KCNQ2: variants seen among roughly 807,000 people sequenced by gnomAD.
The protein encoded by KCNQ2 is potassium voltage-gated channel subfamily KQT member 2.
A neutral mutation model predicts 84.8 loss-of-function variants in KCNQ2; 14 were observed. The ratio of observed to expected loss-of-function variants is 0.17; its 90% CI spans 0.11 to 0.26. The LOEUF is 0.26. Among genes scored for constraint, KCNQ2 ranks in the 10% least tolerant of loss-of-function variants. The pLI is 1.00. For missense variants in KCNQ2, 788 were observed against 1,254.0 expected, an observed-to-expected ratio of 0.63 and a Z score of 5.61; for synonymous variants, 599 against 554.1, an observed-to-expected ratio of 1.08 and a Z score of -1.14.
rs1324000734 is a variant in KCNQ2 at position 63,433,797 on chromosome 20, C to T, written c.1118+12G>A. ...AAACAGTTGCTTGGTGGCAGGTGCC[C>T]GGCGGCGGTACCTGTACATGGGCAC... On this transcript the variant is annotated intron_variant, in intron 8 of 16. Transcript: ENST00000359125. 3 of 1,613,828 alleles carry T rather than the reference C, an allele frequency of 1.9e-6. No homozygotes were observed. Among genetic ancestry groups the T allele is most frequent in the Non-Finnish European group, 2.5e-6 (3 of 1,179,886 alleles).
intron 1 of KCNQ2, among the ~76,000 whole-genome samples, chr20:63,458,192 C>A (rs1025238980): frequency 9.9e-5 from 15 of 152,174 alleles, no homozygotes; most frequent in African/African-American, 3.6e-4. Context: ...CTCCACTGCC[C>A]CATCCCAACC....
intron 1 of KCNQ2, among the ~76,000 whole-genome samples, chr20:63,467,500 G>A (rs564030928): frequency 6.6e-6 from 1 of 152,104 alleles, no homozygotes; most frequent in African/African-American, 2.4e-5. Context: ...ATGGGGCTGA[G>A]GCTAGCCCAG....
chr20:63,404,819 C>T lies in KCNQ2; in HGVS notation c.*1825G>A, dbSNP rs964538477. On this transcript the variant is annotated 3_prime_UTR_variant, in exon 17 of 17. Coordinates refer to ENST00000359125, the MANE Select transcript of KCNQ2 (RefSeq NM_172107.4). ...GAACAGAGCAGACAGGCAGTGGGAG[C>T]CTGGACAGTGGCTTCCGAGGCCTCC... The T allele has an allele frequency of 4.6e-5, 7 of 152,352 alleles. No individual in the cohort carries two copies. Among genetic ancestry groups the T allele is most frequent in the Non-Finnish European group, 5.9e-5 (4 of 68,124 alleles). The allele number at this position is 152,352 out of a possible 1,614,324, so 9.4% of individuals were successfully genotyped here.
intron 1 of KCNQ2, among the ~76,000 whole-genome samples, chr20:63,465,577 G>T (rs189268194): frequency 6.6e-6 from 1 of 152,204 alleles, no homozygotes; most frequent in Non-Finnish European, 1.5e-5. Context: ...GCTGGTGAGC[G>T]TAGGGGTCGC....
chr20:63,415,409 T>C (rs1213515801), intron 12 of KCNQ2, among the ~76,000 whole-genome samples: 14 of 31,778 alleles, frequency 4.4e-4, no homozygotes, highest in East Asian at 7.2e-4. Flanking sequence ...GGGGGGAGGC[T>C]ACCGGGGCCG....
In KCNQ2 at chr20:63,442,534, G is replaced by A. The variant is rs768834593; in HGVS notation, c.691-3C>T. ...ATGTACCAGGCAGTGACCAGCTCCT[G>A]AGAGGCAGACGGCACCACCATCATG... On this transcript the variant is annotated splice_region_variant and splice_polypyrimidine_tract_variant and intron_variant, in intron 4 of 16. Coordinates refer to ENST00000359125, the MANE Select transcript of KCNQ2 (RefSeq NM_172107.4). The A allele has an allele frequency of 1.2e-6, 2 of 1,612,882 alleles. No homozygotes were observed. Among genetic ancestry groups the A allele is most frequent in the South Asian group, 2.2e-5 (2 of 91,026 alleles).
intron 5 of KCNQ2, 99 bp from the exon 6 acceptor site, chr20:63,439,807 T>C (rs1249438941): frequency 1.9e-5 from 17 of 875,664 alleles, no homozygotes; most frequent in Non-Finnish European, 3.0e-5. Flanking sequence ...ATGGGACAGA[T>C]GCGGGGCCAC....
At chr20:63,409,396 G>T (rs899979293) in intron 15 of KCNQ2, among the ~76,000 whole-genome samples, 1 of 152,248 alleles carries the variant, frequency 6.6e-6, no homozygotes, top group Non-Finnish European at 1.5e-5. Context: ...ACAATAAGAA[G>T]GGAGGGAGGC....
rs372146620 is a variant in KCNQ2 at position 63,424,185 on chromosome 20, C to T, written c.1239G>A (p.Pro413=). 2.8e-5 allele frequency: 43 copies of T among 1,556,226 alleles called. No individual in the cohort carries two copies. The highest frequency in any genetic ancestry group is 2.0e-4 in the Admixed American group (10 of 51,152). Residue 413 remains proline, a synonymous_variant, in exon 11 of 17, where the codon CCG becomes CCA. Transcript: ENST00000359125. The stretch of plus-strand genomic sequence containing the variant: ...CAGCAGGGGGCACTGACCTTGGAGA[C>T]GGCTCCGGCGGGGGGTCCTTCCTTC... The part of the protein sequence containing the change: ...LAFRKDPPPE[P]SPSKGSPCRG...
At chr20:63,463,424 G>A (rs995459578) in intron 1 of KCNQ2, among the ~76,000 whole-genome samples, 9 of 152,118 alleles carry the variant, frequency 5.9e-5, no homozygotes, top group East Asian at 1.9e-4. Context: ...CCAGCCGGCC[G>A]AGTGCTGCTG....
In KCNQ2 at chr20:63,414,318, C is replaced by A; in HGVS notation, c.1526-125G>T. On this transcript the variant is annotated intron_variant, in intron 13 of 16. Transcript: ENST00000359125. The surrounding 1 kb of genome is among the most constrained non-coding windows in gnomAD (Gnocchi z 6.6). ...CCTCGAGGCTCCCTGTGGTGCCCCT[C>A]GGGTGCACCTGCTTTTCTGGAAACC... 1 of 685,106 alleles carries A rather than the reference C, an allele frequency of 1.5e-6. No individual in the cohort carries two copies. The highest frequency in any genetic ancestry group is 2.6e-6 in the Non-Finnish European group (1 of 386,456). 42.4% of individuals were successfully genotyped at this position (685,106 alleles called of 1,614,324 possible). A position where few individuals can be genotyped will look rare whatever the true frequency, so the allele number is the denominator to read the frequency against.
Position 63,440,804 on chromosome 20 carries a change from C to G in KCNQ2, c.817-1096G>C, listed in dbSNP as rs549737782. Among the ~76,000 whole-genome samples the G allele has an allele frequency of 8.3e-3, 1,265 of 152,146 alleles. 6 individuals are homozygous for G. Among genetic ancestry groups the G allele is most frequent in the Non-Finnish European group, 0.013 (865 of 68,000 alleles). Reference sequence around the variant, plus strand: ...CGCCAGCACCTGGGGGCCTTGGCTGCCACCACCACGCGGAGCGCACAGGAG... The same window carrying G: ...CGCCAGCACCTGGGGGCCTTGGCTGGCACCACCACGCGGAGCGCACAGGAG... On this transcript the variant is annotated intron_variant, in intron 5 of 16. Transcript: ENST00000359125.
At chr20:63,410,759 T>G (rs2080097674) in intron 15 of KCNQ2, among the ~76,000 whole-genome samples, 1 of 152,144 alleles carries the variant, frequency 6.6e-6, no homozygotes, top group Non-Finnish European at 1.5e-5. Context: ...GGGGTCAGAC[T>G]CACCCCAGAC....
At chr20:63,441,300 GTTTGAA>G (rs2081155443) in intron 5 of KCNQ2, among the ~76,000 whole-genome samples, 2 of 150,822 alleles carry the variant, frequency 1.3e-5, no homozygotes, top group Non-Finnish European at 1.5e-5. Flanking sequence ...CAGTCAGCGC[GTTTGAA>G]TCAGGAAATA....
At chr20:63,440,155 C>T (rs2081116432) in intron 5 of KCNQ2, among the ~76,000 whole-genome samples, 2 of 152,142 alleles carry the variant, frequency 1.3e-5, no homozygotes, top group African/African-American at 2.4e-5. Context: ...AGGAGGAGGC[C>T]ACCACAAGAG....
rs1290845939 is a variant in KCNQ2, at chr20:63,460,044, CCTT to C, written c.296+12121_296+12123del. The C allele has an allele frequency of 2.6e-5, 4 of 152,252 alleles. No individual in the cohort carries two copies. The highest frequency in any genetic ancestry group is 3.8e-4 in the East Asian group (2 of 5,198). 9.4% of individuals were successfully genotyped at this position (152,252 alleles called of 1,614,324 possible). On this transcript the variant is annotated intron_variant, in intron 1 of 16. Coordinates refer to ENST00000359125, the MANE Select transcript of KCNQ2 (RefSeq NM_172107.4). This position sits in a 1 kb window ranked among gnomAD's most constrained non-coding sequence, Gnocchi z 5.4. The stretch of plus-strand genomic sequence containing the variant: ...GGACCTTGTGAGCTGTAGAATCGCC[CCTT>C]CTTCTGTGGCTGAAGCTTGGCTCTG...
At chr20:63,465,628 G>A (rs1244312062) in intron 1 of KCNQ2, among the ~76,000 whole-genome samples, 1 of 152,228 alleles carries the variant, frequency 6.6e-6, no homozygotes, top group African/African-American at 2.4e-5. Flanking sequence ...GAGTTCCTCG[G>A]CGACAAGCTC....
At chr20:63,421,077 G>T (rs957606267) in intron 11 of KCNQ2, among the ~76,000 whole-genome samples, 1 of 151,932 alleles carries the variant, frequency 6.6e-6, no homozygotes, top group Non-Finnish European at 1.5e-5. Context: ...TGCCTGGAGG[G>T]CCCCAGGAGA....
At position 63,438,288 on chromosome 20, in the gene KCNQ2, TG is replaced by T; in HGVS notation, c.1023+336del. 6.8e-6 allele frequency: 3 copies of T among 439,142 alleles called. No individual in the cohort carries two copies. Among genetic ancestry groups the T allele is most frequent in the Admixed American group, 3.5e-5 (1 of 28,672 alleles). 27.2% of individuals were successfully genotyped at this position (439,142 alleles called of 1,614,324 possible). The stretch of plus-strand genomic sequence containing the variant: ...TCAGGCACTGACTCACTGCAGTGTG[TG>T]GGCTCTAGGAGCCTTGGCCCTGCAG... On this transcript the variant is annotated intron_variant, in intron 7 of 16. Coordinates refer to ENST00000359125, the MANE Select transcript of KCNQ2 (RefSeq NM_172107.4). This position sits in a 1 kb window ranked among gnomAD's most constrained non-coding sequence, Gnocchi z 5.1.
Sources: gnomAD v4.1 joint callset for allele counts (sites outside exome capture counted in the v4.1 genomes callset) on GRCh38, gnomAD v4.1.1 for gene constraint, Gnocchi (gnomAD v3.1) non-coding constraint, MANE v1.5 for transcripts, NCBI Gene and HGNC (gene_info 2026-07-23, HGNC 2026-07-21) for gene names.